Variants in MECOM observed in about 807,000 individuals in gnomAD.
MECOM encodes MDS1 and EVI1 complex locus, also known as histone-lysine N-methyltransferase MECOM.
In MECOM, 13 loss-of-function variants were observed where a neutral mutation model predicts 116.3. The observed-to-expected ratio is 0.11, with a 90% CI of 0.07 to 0.18. MECOM has a LOEUF of 0.18. MECOM is among the 10% of genes least tolerant of loss of function. MECOM has a pLI of 1.00. For synonymous variants in MECOM, 528 were observed against 535.2 expected (o/e 0.99, Z 0.19); for missense variants, 1,299 against 1,509.0 (o/e 0.86, Z 2.31).
At chr3:169,331,310 G>T (rs1314479926) in intron 2 of MECOM, among the ~76,000 whole-genome samples, 4 of 151,998 alleles carry the variant, frequency 2.6e-5, no homozygotes, top group Non-Finnish European at 5.9e-5. Flanking sequence ...GATTGTCTGG[G>T]TTTTGACTCT....
chr3:169,413,205 C>T (rs539827371), intron 1 of MECOM, among the ~76,000 whole-genome samples: 4 of 152,260 alleles, frequency 2.6e-5, no homozygotes, highest in South Asian at 4.1e-4. Flanking sequence ...CCACAGAGGG[C>T]GAGCCGAAGC....
intron 1 of MECOM, among the ~76,000 whole-genome samples, chr3:169,479,274 T>TGTGC (rs1750932777): frequency 6.9e-6 from 1 of 144,350 alleles, no homozygotes; most frequent in Admixed American, 6.7e-5. Flanking sequence ...GATGTGAGTG[T>TGTGC]GTGTGTGTGT....
At chr3:169,201,606 T>C (rs1208253675) in intron 2 of MECOM, among the ~76,000 whole-genome samples, 2 of 152,104 alleles carry the variant, frequency 1.3e-5, no homozygotes. Context: ...GTTGTACATT[T>C]CCATAGTAAA....
chr3:169,467,921 A>T (rs1748569150), intron 1 of MECOM, among the ~76,000 whole-genome samples: 1 of 152,194 alleles, frequency 6.6e-6, no homozygotes, highest in African/African-American at 2.4e-5. Context: ...AAACATCTTT[A>T]AATGTGTTAA....
chr3:169,266,490 C>T (rs141768278), intron 2 of MECOM, among the ~76,000 whole-genome samples: 156 of 152,248 alleles, frequency 1.0e-3, no homozygotes, highest in African/African-American at 3.4e-3. Flanking sequence ...TGAAGCATAC[C>T]TAGGTGAAGT....
At chr3:169,422,677 G>C (rs1012335349) in intron 1 of MECOM, among the ~76,000 whole-genome samples, 1 of 151,958 alleles carries the variant, frequency 6.6e-6, no homozygotes, top group South Asian at 2.1e-4. Flanking sequence ...CAAGCCTTAA[G>C]AATTAAATTT....
chr3:169,657,594 C>G (rs565465823), intron 1 of MECOM, among the ~76,000 whole-genome samples: 2 of 152,272 alleles, frequency 1.3e-5, no homozygotes, highest in South Asian at 2.1e-4. Flanking sequence ...TCCAGAGGGA[C>G]CCATTGGACA....
At position 169,353,721 on chromosome 3, in the gene MECOM, G is replaced by T. The variant is rs1403252571; in HGVS notation, c.375+27466C>A. On this transcript the variant is annotated intron_variant, in intron 2 of 16. Coordinates refer to ENST00000651503, the MANE Select transcript of MECOM (RefSeq NM_004991.4). The stretch of plus-strand genomic sequence containing the variant: ...GAAGATAACCTTATTTTTTTCTTAG[G>T]TATCTTTTAAGAACTTGCATTTCCA... 3.3e-5 allele frequency among the ~76,000 whole-genome samples: 5 copies of T among 151,660 alleles called. No individual in the cohort carries two copies. In the South Asian group the frequency reaches 8.3e-4, roughly 25 times the overall value.
chr3:169,148,049 T>C (rs560611015), intron 2 of MECOM, among the ~76,000 whole-genome samples: 1 of 152,274 alleles, frequency 6.6e-6, no homozygotes, highest in Non-Finnish European at 1.5e-5. Flanking sequence ...AAACTCATAC[T>C]CTAATTTATT....
chr3:169,165,562 CT>C (rs755234662), intron 2 of MECOM, among the ~76,000 whole-genome samples: 64 of 152,096 alleles, frequency 4.2e-4, no homozygotes, highest in Non-Finnish European at 8.2e-4. Flanking sequence ...GTCCCCCTGG[CT>C]TTTTTGAAGT....
intron 2 of MECOM, among the ~76,000 whole-genome samples, chr3:169,232,159 T>C (rs2149524003): frequency 6.6e-6 from 1 of 152,288 alleles, no homozygotes; most frequent in Admixed American, 6.5e-5. Flanking sequence ...TTTAGTCCTA[T>C]GGTTCTGTGA....
chr3:169,290,199 T>A (rs1388847964), intron 2 of MECOM, among the ~76,000 whole-genome samples: 1 of 152,088 alleles, frequency 6.6e-6, no homozygotes, highest in Non-Finnish European at 1.5e-5. Context: ...TGTATCCAAA[T>A]GTTAATAAAG....
Position 169,191,790 on chromosome 3 carries a change from GA to G in MECOM, c.376-47959del, listed in dbSNP as rs1335683105. On this transcript the variant is annotated intron_variant, in intron 2 of 16. Coordinates refer to ENST00000651503, the MANE Select transcript of MECOM (RefSeq NM_004991.4). ...AGAAAGAAAGAAAGAAAGAAAGAAAGAAAGGGAGGGAAGGATAAATCTCTTT... is the reference window on the plus strand; with the variant it reads ...AGAAAGAAAGAAAGAAAGAAAGAAAGAAGGGAGGGAAGGATAAATCTCTTT... Among the ~76,000 whole-genome samples the G allele has an allele frequency of 2.2e-4, 33 of 149,238 alleles. No homozygotes were observed. The East Asian group carries it at 4.1e-3, about 18-fold the overall frequency.
intron 1 of MECOM, among the ~76,000 whole-genome samples, chr3:169,523,663 A>G (rs1312213863): frequency 6.6e-6 from 1 of 152,096 alleles, no homozygotes; most frequent in East Asian, 1.9e-4. Flanking sequence ...TTATCTATGC[A>G]ATGTAAGAAA....
At chr3:169,370,428 A>T (rs530511484) in intron 2 of MECOM, among the ~76,000 whole-genome samples, 1 of 152,158 alleles carries the variant, frequency 6.6e-6, no homozygotes, top group Non-Finnish European at 1.5e-5. Context: ...ACTTACAGAG[A>T]AAAGTATAGG....
chr3:169,128,674 G>A (rs756493369), intron 4 of MECOM, among the ~76,000 whole-genome samples: 5 of 152,134 alleles, frequency 3.3e-5, no homozygotes, highest in South Asian at 2.1e-4. Flanking sequence ...ACTAATAATG[G>A]GACACAGGAT....
At chr3:169,164,463 C>T (rs1258154076) in intron 2 of MECOM, among the ~76,000 whole-genome samples, 2 of 152,044 alleles carry the variant, frequency 1.3e-5, no homozygotes, top group Non-Finnish European at 2.9e-5. Context: ...CCGACTAATA[C>T]AACAGTCTTT....
intron 2 of MECOM, among the ~76,000 whole-genome samples, chr3:169,246,256 T>C (rs887758572): frequency 6.6e-6 from 1 of 152,218 alleles, no homozygotes; most frequent in African/African-American, 2.4e-5. Context: ...AAACACACTG[T>C]AAGCTGCATA....
intron 1 of MECOM, among the ~76,000 whole-genome samples, chr3:169,534,087 GT>G (rs1186423303): frequency 6.6e-6 from 1 of 152,094 alleles, no homozygotes; most frequent in Admixed American, 6.5e-5. Flanking sequence ...TGCTTCCACT[GT>G]TTTTTTGCCT....
Sources: allele counts gnomAD v4.1 joint callset (sites outside exome capture counted in the v4.1 genomes callset), GRCh38; gene constraint gnomAD v4.1.1; transcripts MANE v1.5; gene names NCBI Gene and HGNC (gene_info 2026-07-23, HGNC 2026-07-21).